Variants in ABLIM1 observed in about 807,000 individuals in gnomAD.
ABLIM1 encodes the protein actin binding LIM protein 1, also known as actin-binding LIM protein 1.
ABLIM1 carries 40 observed loss-of-function variants against 107.0 expected under a neutral mutation model. The observed-to-expected ratio is 0.37, with a 90% confidence interval of 0.29 to 0.49. The LOEUF is 0.49. Among genes scored for constraint, ABLIM1 ranks in the 20% least tolerant of loss-of-function variants. The probability of loss-of-function intolerance (pLI) is 0.97; values close to 1 mark genes in which losing one functional copy is unlikely to be tolerated. For missense variants in ABLIM1, 857 were observed against 1,008.5 expected, an observed-to-expected ratio of 0.85 and a Z score of 2.04; for synonymous variants, 357 against 357.3, an observed-to-expected ratio of 1.00 and a Z score of 0.01.
rs549255296 is a variant in ABLIM1, at chr10:114,658,004, T to C, written c.197A>G (p.Lys66Arg). The C allele has an allele frequency of 1.9e-6, 3 of 1,614,166 alleles. No individual in the cohort carries two copies. In the African/African-American group the frequency reaches 4.0e-5, roughly 22 times the overall value. ...TACACGCCCACGTGGGCAGTAGTCC[T>C]TGGGACAGAGATACAGCAAATGAGT... Reference protein sequence around the residue: ...TITHLLYLCPKDYCPRGRVCN... With the variant: ...TITHLLYLCPRDYCPRGRVCN... Residue 66 changes from lysine (K) to arginine (R), a missense_variant, in exon 1 of 23, where the codon AAG (lysine) becomes AGG (arginine). By Grantham distance (26) the Lys-to-Arg change is conservative. Transcript: ENST00000533213.
At chr10:114,445,247 T>A in intron 16 of ABLIM1, 65 bp downstream of exon 16, 1 of 1,442,114 alleles carries the variant, frequency 6.9e-7, no homozygotes, top group Non-Finnish European at 9.8e-7. Flanking sequence ...ATAGTAGTCA[T>A]TCAAAAAATA....
At chr10:114,739,955 G>T in intron 1 of ABLIM1, among the ~76,000 whole-genome samples, 1 of 152,048 alleles carries the variant, frequency 6.6e-6, no homozygotes, top group South Asian at 2.1e-4. Flanking sequence ...TCCTGGCCTT[G>T]AGTATACTAG....
At chr10:114,467,806 T>C (rs1461112545) in intron 11 of ABLIM1, among the ~76,000 whole-genome samples, 3 of 152,218 alleles carry the variant, frequency 2.0e-5, no homozygotes, top group African/African-American at 2.4e-5. Flanking sequence ...GCTCTGCTTA[T>C]AGAATACGCC....
chr10:114,620,496 A>G (rs2077400082), intron 1 of ABLIM1, among the ~76,000 whole-genome samples: 1 of 151,840 alleles, frequency 6.6e-6, no homozygotes, highest in African/African-American at 2.4e-5. Context: ...TGCAACCTCC[A>G]CCTCCTGGGT....
At chr10:114,458,749 C>T (rs2063305128) in intron 12 of ABLIM1, among the ~76,000 whole-genome samples, 1 of 152,164 alleles carries the variant, frequency 6.6e-6, no homozygotes, top group African/African-American at 2.4e-5. Context: ...AACCCTCCTG[C>T]TCAGAAATCC....
chr10:114,449,988 TC>T, intron 14 of ABLIM1: 1 of 207,506 alleles, frequency 4.8e-6, no homozygotes, highest in East Asian at 1.7e-4. Flanking sequence ...TCTAACATTA[TC>T]CAATCTCCTT....
chr10:114,733,014 T>G, intron 1 of ABLIM1, among the ~76,000 whole-genome samples: 1 of 152,246 alleles, frequency 6.6e-6, no homozygotes, highest in East Asian at 1.9e-4. Flanking sequence ...AAGAATGTGC[T>G]GGAATCACTG....
intron 4 of ABLIM1, among the ~76,000 whole-genome samples, chr10:114,563,979 C>T (rs1280838049): frequency 1.4e-5 from 2 of 147,010 alleles, no homozygotes; most frequent in Admixed American, 1.4e-4. Context: ...ATTTACCTTC[C>T]TCATCTTTTC....
At chr10:114,781,292 T>C in the ABLIM1 span, among the ~76,000 whole-genome samples, 5 of 152,002 alleles carry the variant, frequency 3.3e-5, no homozygotes, top group Non-Finnish European at 7.4e-5. Flanking sequence ...TCGCTTAAGC[T>C]CAGGACTTAA....
intron 6 of ABLIM1, among the ~76,000 whole-genome samples, chr10:114,528,883 T>C (rs1214564340): frequency 6.6e-6 from 1 of 152,244 alleles, no homozygotes; most frequent in African/African-American, 2.4e-5. Flanking sequence ...TTGTTAGGCA[T>C]AGTGGTTTTA....
At chr10:114,454,617 C>T (rs1439343030) in intron 12 of ABLIM1, among the ~76,000 whole-genome samples, 1 of 152,154 alleles carries the variant, frequency 6.6e-6, no homozygotes, top group Non-Finnish European at 1.5e-5. Context: ...TAAGTGCCAC[C>T]ATAGCCACCA....
Position 114,578,563 on chromosome 10 carries a change from C to T in ABLIM1, c.380-2964G>A, listed in dbSNP as rs535948505. 9.2e-5 allele frequency among the ~76,000 whole-genome samples: 14 copies of T among 152,028 alleles called. No individual in the cohort carries two copies. In the South Asian group the frequency reaches 2.9e-3, roughly 32 times the overall value. On this transcript the variant is annotated intron_variant, in intron 2 of 22. Transcript: ENST00000533213. Reference sequence around the variant, plus strand: ...CTGGGATTACAGGCATGTGCCACCACACCCGGCTAATTTTGTATTTTTAGT... The same window carrying T: ...CTGGGATTACAGGCATGTGCCACCATACCCGGCTAATTTTGTATTTTTAGT...
intron 1 of ABLIM1, among the ~76,000 whole-genome samples, chr10:114,647,965 T>C (rs534802828): frequency 2.3e-4 from 35 of 152,188 alleles, no homozygotes; most frequent in South Asian, 1.4e-3. Flanking sequence ...GTTTTGAAGA[T>C]TAAGATATAG....
intron 6 of ABLIM1, among the ~76,000 whole-genome samples, chr10:114,514,544 T>A (rs1048116377): frequency 1.1e-4 from 16 of 152,200 alleles, no homozygotes; most frequent in Admixed American, 5.9e-4. Flanking sequence ...CCAACTAATT[T>A]AAAAAAATTT....
At chr10:114,566,063 G>A (rs370054240) in intron 4 of ABLIM1, among the ~76,000 whole-genome samples, 13 of 152,126 alleles carry the variant, frequency 8.5e-5, no homozygotes, top group East Asian at 5.8e-4. Flanking sequence ...CCAAAGTGCC[G>A]GGATTAGAGG....
At chr10:114,687,041 A>G (rs1271288580), upstream of ABLIM1, among the ~76,000 whole-genome samples, 2 of 152,214 alleles carry the variant, frequency 1.3e-5, no homozygotes, top group African/African-American at 4.8e-5. Context: ...ATCTTTCCCA[A>G]CCACGCTTCT....
At chr10:114,545,173 C>T (rs1243043285) in intron 5 of ABLIM1, 75 bp from the exon 6 acceptor site, 6 of 1,322,838 alleles carry the variant, frequency 4.5e-6, no homozygotes, top group Non-Finnish European at 5.5e-6. Flanking sequence ...CACATTTCTC[C>T]AAGGCCTTTC....
At chr10:114,559,800 T>C (rs1285627825) in intron 4 of ABLIM1, among the ~76,000 whole-genome samples, 1 of 152,216 alleles carries the variant, frequency 6.6e-6, no homozygotes, top group Non-Finnish European at 1.5e-5. Context: ...CTCTTTTTTC[T>C]GGAGAGTTTA....
intron 2 of ABLIM1, among the ~76,000 whole-genome samples, chr10:114,601,415 A>G (rs1298557263): frequency 1.3e-5 from 2 of 151,814 alleles, no homozygotes; most frequent in Non-Finnish European, 2.9e-5. Context: ...ACAGACGCCC[A>G]CCACTGCACC....
Sources: allele counts gnomAD v4.1 joint callset (sites outside exome capture counted in the v4.1 genomes callset), GRCh38; gene constraint gnomAD v4.1.1; transcripts MANE v1.5; gene names NCBI Gene and HGNC (gene_info 2026-07-23, HGNC 2026-07-21).